Variants in HSD17B4 observed in about 807,000 individuals in gnomAD.
The protein encoded by HSD17B4 is hydroxysteroid 17-beta dehydrogenase 4, also known as peroxisomal multifunctional enzyme type 2.
A neutral mutation model predicts 101.0 loss-of-function variants in HSD17B4; 70 were observed. That is an observed-to-expected ratio of 0.69 (90% CI 0.57 to 0.85). The LOEUF (loss-of-function observed/expected upper bound fraction) is 0.85. Ranked by LOEUF, HSD17B4 falls within the 40% of genes least tolerant of loss-of-function variation. HSD17B4 has a pLI of 0.00. For synonymous variants in HSD17B4, 347 were observed against 297.1 expected (o/e 1.17, Z -1.73); for missense variants, 984 against 892.4 (o/e 1.10, Z -1.31).
chr5:119,493,580 C>A, intron 10 of HSD17B4: 1 of 461,254 alleles, frequency 2.2e-6, no homozygotes, highest in South Asian at 2.1e-5. Flanking sequence ...TTAGTACTGT[C>A]TGGCATAGTC....
At chr5:119,529,855 T>C (rs1379431230) in intron 20 of HSD17B4, 39 bp from the exon 21 acceptor site, 2 of 1,177,444 alleles carry the variant, frequency 1.7e-6, no homozygotes, top group African/African-American at 3.0e-5. Context: ...ACTTCCATTG[T>C]AATCAGAATA....
At chr5:119,490,207 C>G (rs1361286611) in intron 9 of HSD17B4, among the ~76,000 whole-genome samples, 3 of 152,132 alleles carry the variant, frequency 2.0e-5, no homozygotes, top group Non-Finnish European at 4.4e-5. Context: ...TGCACCTCCA[C>G]TTTCCTAATC....
At chr5:119,453,655 G>C (rs936814615) in intron 1 of HSD17B4, among the ~76,000 whole-genome samples, 2 of 152,150 alleles carry the variant, frequency 1.3e-5, no homozygotes, top group Admixed American at 6.5e-5. Flanking sequence ...TAATTCCTAT[G>C]TACTTTCATA....
chr5:119,521,630 A>G (rs1179214487), intron 17 of HSD17B4, among the ~76,000 whole-genome samples: 3 of 151,404 alleles, frequency 2.0e-5, no homozygotes, highest in Non-Finnish European at 4.4e-5. Flanking sequence ...TTTAATTTTT[A>G]TTTGAATGTG....
chr5:119,499,248 G>C (rs564284568), intron 12 of HSD17B4, 69 bp from the exon 13 acceptor site: 3 of 1,003,002 alleles, frequency 3.0e-6, no homozygotes, highest in South Asian at 2.6e-5. Context: ...AACAAAACTA[G>C]GTATGTAAGA....
At chr5:119,455,202 G>T (rs190733501) in intron 1 of HSD17B4, among the ~76,000 whole-genome samples, 79 of 152,214 alleles carry the variant, frequency 5.2e-4, no homozygotes, top group African/African-American at 1.9e-3. Context: ...TGTTTTTCCC[G>T]AGATACTCTA....
In HSD17B4 at chr5:119,542,045, C is replaced by A. The variant is rs1378316725; in HGVS notation, c.*51C>A. On this transcript the variant is annotated 3_prime_UTR_variant, in exon 24 of 24. Coordinates refer to ENST00000510025, the MANE Select transcript of HSD17B4 (RefSeq NM_000414.4). ...ATGGAATCATTAAATACTCTCTTCA[C>A]CCAAATATGCTTGATTATTCTGCAA... is the stretch of plus-strand genomic sequence containing the variant. 8.4e-7 allele frequency: 1 copy of A among 1,185,808 alleles called. No homozygotes were observed. Among genetic ancestry groups the A allele is most frequent in the Admixed American group, 1.7e-5 (1 of 58,122 alleles). The allele number at this position is 1,185,808 out of a possible 1,614,324, so 73.5% of individuals were successfully genotyped here. A position where few individuals can be genotyped will look rare whatever the true frequency, so the allele number is the denominator to read the frequency against.
At chr5:119,471,019 T>A (rs1262248038) in intron 2 of HSD17B4, among the ~76,000 whole-genome samples, 2 of 152,224 alleles carry the variant, frequency 1.3e-5, no homozygotes, top group Non-Finnish European at 2.9e-5. Flanking sequence ...CTGGTTGCGC[T>A]TTGTAAAATT....
chr5:119,489,232 T>C lies in HSD17B4; in HGVS notation c.663T>C (p.Leu221=), dbSNP rs756251404. 2 of 1,612,832 alleles carry C rather than the reference T, an allele frequency of 1.2e-6. No individual in the cohort carries two copies. The change falls in exon 9 of 24, where the codon CTT becomes CTC. Residue 221 remains leucine, a synonymous_variant. Transcript: ENST00000510025. ...TGAAGCCAGAGTATGTGGCACCTCT[T>C]GTCCTTTGGCTTTGTCACGAGAGTT... ...EALKPEYVAP[L]VLWLCHESCE...
chr5:119,458,508 ATTTTTT>A (rs35423756), intron 2 of HSD17B4, among the ~76,000 whole-genome samples: 1 of 136,300 alleles, frequency 7.3e-6, no homozygotes, highest in African/African-American at 2.7e-5. Context: ...AGCCTGGCTA[ATTTTTT>A]TTTTTTTTTT....
chr5:119,523,377 G>A (rs578003483), intron 17 of HSD17B4, among the ~76,000 whole-genome samples: 5 of 151,966 alleles, frequency 3.3e-5, no homozygotes, highest in Admixed American at 6.6e-5. Flanking sequence ...GAAATGAAAC[G>A]AAACAAGAAA....
intron 1 of HSD17B4, chr5:119,452,960 C>T: frequency 1.0e-6 from 1 of 997,736 alleles, no homozygotes; most frequent in South Asian, 1.4e-5. Flanking sequence ...GATTGTTACT[C>T]TTCCTGCAAT....
At chr5:119,531,568 G>GTGTGTGTGTGTGTGTGT (rs1554069007) in intron 22 of HSD17B4, among the ~76,000 whole-genome samples, 164 bp downstream of exon 22, 1 of 116,400 alleles carries the variant, frequency 8.6e-6, no homozygotes, top group African/African-American at 2.8e-5. Flanking sequence ...TCCAAAGGGG[G>GTGTGTGTGTGTGTGTGT]GTGTGTGTGT....
intron 3 of HSD17B4, 75 bp downstream of exon 3, chr5:119,474,090 C>G: frequency 1.2e-6 from 1 of 853,618 alleles, no homozygotes; most frequent in Non-Finnish European, 2.0e-6. Flanking sequence ...AATCTTTGAG[C>G]AAATATCTCA....
intron 20 of HSD17B4, among the ~76,000 whole-genome samples, chr5:119,528,107 TTTTC>T (rs751591954): frequency 2.0e-5 from 3 of 152,106 alleles, no homozygotes; most frequent in Non-Finnish European, 2.9e-5. Context: ...GGCAATAGTA[TTTTC>T]TTTAATATGC....
At chr5:119,476,836 C>A in intron 6 of HSD17B4, 1 of 307,690 alleles carries the variant, frequency 3.3e-6, no homozygotes, top group Non-Finnish European at 4.8e-6. Context: ...TTCTAATATA[C>A]ACATGAAAAC....
At chr5:119,491,838 GCC>G (rs2126750507) in intron 9 of HSD17B4, among the ~76,000 whole-genome samples, 1 of 152,246 alleles carries the variant, frequency 6.6e-6, no homozygotes, top group Non-Finnish European at 1.5e-5. Context: ...TTTGTATCAA[GCC>G]TTGGTCTCTG....
chr5:119,514,709 A>G (rs1305995287), intron 16 of HSD17B4, among the ~76,000 whole-genome samples: 1 of 152,176 alleles, frequency 6.6e-6, no homozygotes, highest in African/African-American at 2.4e-5. Context: ...ACTGTCCTTA[A>G]CTTTTTCTCC....
At chr5:119,469,657 T>C (rs56263494) in intron 2 of HSD17B4, among the ~76,000 whole-genome samples, 16,097 of 152,266 alleles carry the variant, frequency 0.11, 1,128 homozygotes, top group African/African-American at 0.2. Flanking sequence ...ACCTGGCCTG[T>C]TTTTCCATGT....
Sources: gnomAD v4.1 joint callset for allele counts (sites outside exome capture counted in the v4.1 genomes callset) on GRCh38, gnomAD v4.1.1 for gene constraint, MANE v1.5 for transcripts, NCBI Gene and HGNC (gene_info 2026-07-23, HGNC 2026-07-21) for gene names.